PPFIBP1: variants seen among roughly 807,000 people sequenced by gnomAD.
The protein encoded by PPFIBP1 is liprin-beta-1.
A neutral mutation model predicts 137.8 loss-of-function variants in PPFIBP1; 112 were observed. The ratio of observed to expected loss-of-function variants is 0.81; its 90% CI spans 0.70 to 0.95. PPFIBP1 has a LOEUF of 0.95. PPFIBP1 is among the 40% of genes least tolerant of loss of function. The pLI, the probability that PPFIBP1 is intolerant of heterozygous loss-of-function variation, is 0.00. For synonymous variants in PPFIBP1, 378 were observed against 417.3 expected, an observed-to-expected ratio of 0.91 and a Z score of 1.15; for missense variants, 1,083 against 1,196.6, an observed-to-expected ratio of 0.91 and a Z score of 1.40.
At chr12:27,641,843 C>CG (rs2058125785) in intron 4 of PPFIBP1, among the ~76,000 whole-genome samples, 1 of 152,088 alleles carries the variant, frequency 6.6e-6, no homozygotes, top group Admixed American at 6.6e-5. Flanking sequence ...GGACAATGAT[C>CG]GGGATATAAA....
At chr12:27,688,111 T>A in intron 25 of PPFIBP1, 187 bp from the exon 26 acceptor site, 2 of 642,258 alleles carry the variant, frequency 3.1e-6, no homozygotes, top group East Asian at 2.8e-5. Flanking sequence ...CTTCCTTTCC[T>A]AAAGCAATGC....
At chr12:27,613,936 A>G (rs2055449002) in intron 2 of PPFIBP1, among the ~76,000 whole-genome samples, 1 of 152,034 alleles carries the variant, frequency 6.6e-6, no homozygotes, top group Admixed American at 6.6e-5. Context: ...ACACGTCCAT[A>G]CAGCACTGCT....
rs570941367 is a variant in PPFIBP1 at position 27,570,670 on chromosome 12, T to C, written c.-123-7482T>C. ...GGGAAGGGTTTTGAAAAAATGTACA[T>C]AAGGCCAAGGTGGGCAGATCATGAG... On this transcript the variant is annotated intron_variant, in intron 1 of 29. Transcript: ENST00000228425. Among the ~76,000 whole-genome samples, 101 of 151,910 alleles carry C rather than the reference T, an allele frequency of 6.6e-4. 1 individual carries two copies. Among genetic ancestry groups the C allele is most frequent in the Admixed American group, 6.6e-3 (100 of 15,246 alleles).
At chr12:27,631,714 G>T (rs1298432148) in intron 2 of PPFIBP1, among the ~76,000 whole-genome samples, 3 of 151,976 alleles carry the variant, frequency 2.0e-5, no homozygotes, top group African/African-American at 7.2e-5. Context: ...AAATAGAACA[G>T]AGAAGAACTC....
rs141715901 is a variant in PPFIBP1, at chr12:27,585,954, C to T, written c.-36+7715C>T. Among the ~76,000 whole-genome samples, 766 of 152,154 alleles carry T rather than the reference C, an allele frequency of 5.0e-3. 4 individuals carry two copies. The highest frequency in any genetic ancestry group is 0.041 in the Middle Eastern group (12 of 290). Reference sequence around the variant, plus strand: ...AAGACTAGAAAATTGCCTCAGGATCCGATTATAGAGAGATTCAATGGTAGT... The same window carrying T: ...AAGACTAGAAAATTGCCTCAGGATCTGATTATAGAGAGATTCAATGGTAGT... On this transcript the variant is annotated intron_variant, in intron 2 of 29. Coordinates refer to ENST00000228425, the MANE Select transcript of PPFIBP1 (RefSeq NM_003622.4).
chr12:27,641,704 C>T (rs375492315), intron 4 of PPFIBP1, among the ~76,000 whole-genome samples: 4 of 152,058 alleles, frequency 2.6e-5, no homozygotes, highest in African/African-American at 7.2e-5. Context: ...CCTCTAAATA[C>T]GGGGCTTGTA....
chr12:27,660,540 A>G (rs2059478546), intron 10 of PPFIBP1, among the ~76,000 whole-genome samples: 1 of 152,196 alleles, frequency 6.6e-6, no homozygotes, highest in Non-Finnish European at 1.5e-5. Flanking sequence ...ACTGCTTTAT[A>G]GATTCCTGTT....
At chr12:27,645,539 G>A (rs538333107) in intron 4 of PPFIBP1, among the ~76,000 whole-genome samples, 31 of 152,228 alleles carry the variant, frequency 2.0e-4, no homozygotes, top group Admixed American at 1.6e-3. Flanking sequence ...GTTACCAAAC[G>A]AATTATAGGC....
chr12:27,682,035 G>GAA (rs11422827), intron 22 of PPFIBP1, among the ~76,000 whole-genome samples: 75 of 146,354 alleles, frequency 5.1e-4, no homozygotes, highest in South Asian at 1.1e-3. Context: ...CTTTGCAAAA[G>GAA]AAAAAAAAAA....
At chr12:27,609,597 C>T (rs1204837771) in intron 2 of PPFIBP1, among the ~76,000 whole-genome samples, 1 of 152,092 alleles carries the variant, frequency 6.6e-6, no homozygotes, top group African/African-American at 2.4e-5. Flanking sequence ...TTTTTAGAAA[C>T]ACAGATCACA....
chr12:27,635,153 T>G (rs141550610), intron 4 of PPFIBP1, 38 bp downstream of exon 4: 1 of 1,602,956 alleles, frequency 6.2e-7, no homozygotes, highest in South Asian at 1.1e-5. Context: ...TATAAATCCT[T>G]TGTTGCTTAT....
intron 4 of PPFIBP1, among the ~76,000 whole-genome samples, chr12:27,645,006 T>C (rs1308257814): frequency 1.3e-5 from 2 of 152,140 alleles, no homozygotes; most frequent in Admixed American, 6.5e-5. Context: ...AGAACAATGG[T>C]ATCAGTTAAT....
At chr12:27,552,776 T>G (rs187949341) in intron 1 of PPFIBP1, 1 of 152,278 alleles carries the variant, frequency 6.6e-6, no homozygotes, top group Admixed American at 6.5e-5. Context: ...GAGATTGCGT[T>G]CGATTCTGAA....
chr12:27,657,937 G>A (rs912362965), intron 9 of PPFIBP1, among the ~76,000 whole-genome samples: 1 of 151,928 alleles, frequency 6.6e-6, no homozygotes, highest in Non-Finnish European at 1.5e-5. Flanking sequence ...ATGAGACCCT[G>A]TCTCTACAAA....
At chr12:27,632,962 C>G (rs2057365701) in intron 2 of PPFIBP1, among the ~76,000 whole-genome samples, 1 of 152,074 alleles carries the variant, frequency 6.6e-6, no homozygotes. Flanking sequence ...CAAAAACAAA[C>G]AAAAATAAAT....
At chr12:27,567,973 C>A (rs1039172640) in intron 1 of PPFIBP1, among the ~76,000 whole-genome samples, 2 of 152,176 alleles carry the variant, frequency 1.3e-5, no homozygotes, top group African/African-American at 2.4e-5. Flanking sequence ...CTCAAGCAAT[C>A]CTCCTGCCTC....
chr12:27,566,754 A>T (rs1379287693), intron 1 of PPFIBP1, among the ~76,000 whole-genome samples: 3 of 152,222 alleles, frequency 2.0e-5, no homozygotes, highest in African/African-American at 7.2e-5. Flanking sequence ...CCTGAAGCAC[A>T]GAGAAGTTAA....
At chr12:27,605,943 G>A (rs556399881) in intron 2 of PPFIBP1, among the ~76,000 whole-genome samples, 5 of 152,168 alleles carry the variant, frequency 3.3e-5, no homozygotes, top group Admixed American at 1.3e-4. Context: ...AGTTAAGATC[G>A]TACATTAGAA....
chr12:27,597,947 A>G (rs538217719), intron 2 of PPFIBP1, among the ~76,000 whole-genome samples: 176 of 152,254 alleles, frequency 1.2e-3, no homozygotes, highest in African/African-American at 4.0e-3. Context: ...CTGGGATTAC[A>G]GGCATGTGCC....
Sources: allele counts gnomAD v4.1 joint callset (sites outside exome capture counted in the v4.1 genomes callset), GRCh38; gene constraint gnomAD v4.1.1; transcripts MANE v1.5; gene names NCBI Gene and HGNC (gene_info 2026-07-23, HGNC 2026-07-21).